The following GPC6 variants were observed in gnomAD, a reference collection of about 807,000 sequenced individuals.
GPC6 encodes the protein glypican-6.
In GPC6, 14 loss-of-function variants were observed where a neutral mutation model predicts 55.2. The ratio of observed to expected loss-of-function variants is 0.25; its 90% CI spans 0.17 to 0.40. The LOEUF (loss-of-function observed/expected upper bound fraction) is 0.40. Ranked by LOEUF, GPC6 falls within the 10% of genes least tolerant of loss-of-function variation. GPC6 has a pLI of 1.00. For missense variants in GPC6, 641 were observed against 708.5 expected (o/e 0.90, Z 1.08); for synonymous variants, 278 against 259.6 (o/e 1.07, Z -0.68).
At chr13:94,316,676 C>T (rs1876552851) in intron 6 of GPC6, among the ~76,000 whole-genome samples, 1 of 148,022 alleles carries the variant, frequency 6.8e-6, no homozygotes, top group South Asian at 2.1e-4. Flanking sequence ...GAGATCCCGC[C>T]ACTGCACTCC....
chr13:94,226,467 G>A (rs1327183749), intron 4 of GPC6, among the ~76,000 whole-genome samples: 1 of 152,160 alleles, frequency 6.6e-6, no homozygotes, highest in Non-Finnish European at 1.5e-5. Flanking sequence ...TGCTTAAGGT[G>A]ATGGATAAAC....
intron 4 of GPC6, among the ~76,000 whole-genome samples, chr13:94,270,437 C>CT (rs1891955113): frequency 6.6e-6 from 1 of 152,266 alleles, no homozygotes; most frequent in South Asian, 2.1e-4. Context: ...AGGGGAGTAT[C>CT]TAACTATATT....
At chr13:93,658,970 G>A (rs931264680) in intron 2 of GPC6, among the ~76,000 whole-genome samples, 28 of 151,740 alleles carry the variant, frequency 1.8e-4, no homozygotes, top group African/African-American at 6.5e-4. Context: ...TAAATATTTG[G>A]TAAATTTCAT....
At chr13:94,219,076 T>C (rs1165515666) in intron 4 of GPC6, among the ~76,000 whole-genome samples, 2 of 152,200 alleles carry the variant, frequency 1.3e-5, no homozygotes, top group Non-Finnish European at 2.9e-5. Context: ...TTACTGTGTA[T>C]TGGTGTCTTT....
At chr13:94,089,424 T>C (rs749251530) in intron 4 of GPC6, among the ~76,000 whole-genome samples, 1 of 152,178 alleles carries the variant, frequency 6.6e-6, no homozygotes, top group African/African-American at 2.4e-5. Context: ...GGAAATCAGA[T>C]AGAAAGGATT....
At chr13:93,547,736 G>T (rs1444097307) in intron 2 of GPC6, among the ~76,000 whole-genome samples, 1 of 151,242 alleles carries the variant, frequency 6.6e-6, no homozygotes, top group Non-Finnish European at 1.5e-5. Flanking sequence ...AAAAAAAAAA[G>T]AGAATCTAAA....
At chr13:93,916,100 G>A (rs1488203917) in intron 3 of GPC6, among the ~76,000 whole-genome samples, 1 of 152,074 alleles carries the variant, frequency 6.6e-6, no homozygotes, top group Non-Finnish European at 1.5e-5. Flanking sequence ...GACCTGCTCA[G>A]TTTCTTGGTG....
chr13:93,470,809 A>T (rs750027127), intron 1 of GPC6, among the ~76,000 whole-genome samples: 11 of 152,034 alleles, frequency 7.2e-5, no homozygotes, highest in Non-Finnish European at 1.5e-4. Context: ...TTTCAAAATC[A>T]ATTTCTTTTA....
chr13:93,700,508 G>A (rs534535097), intron 2 of GPC6, among the ~76,000 whole-genome samples: 2 of 152,066 alleles, frequency 1.3e-5, no homozygotes, highest in Non-Finnish European at 2.9e-5. Context: ...CTAAAAGGGG[G>A]CCCAAGTGAT....
chr13:93,784,393 C>A (rs1197202462), intron 2 of GPC6, among the ~76,000 whole-genome samples: 2 of 152,100 alleles, frequency 1.3e-5, no homozygotes, highest in Non-Finnish European at 2.9e-5. Flanking sequence ...AGTACTAGGG[C>A]CCCTGAGCAA....
At chr13:93,659,276 A>G (rs1215030789) in intron 2 of GPC6, among the ~76,000 whole-genome samples, 2 of 151,898 alleles carry the variant, frequency 1.3e-5, no homozygotes, top group Non-Finnish European at 2.9e-5. Flanking sequence ...ATGTATGACC[A>G]TGTAAAGATG....
At chr13:94,095,074 C>T (rs753448900) in intron 4 of GPC6, among the ~76,000 whole-genome samples, 13 of 151,914 alleles carry the variant, frequency 8.6e-5, no homozygotes, top group Middle Eastern at 3.2e-3. Flanking sequence ...ATAAAAATTT[C>T]GTTTCTGTAC....
At chr13:93,271,196 C>G (rs973483853) in intron 1 of GPC6, among the ~76,000 whole-genome samples, 2 of 152,098 alleles carry the variant, frequency 1.3e-5, no homozygotes, top group African/African-American at 4.8e-5. Flanking sequence ...CTACAGGAAA[C>G]TTTAGGGCTA....
At position 93,344,106 on chromosome 13, in the gene GPC6, A is replaced by C. The variant is rs371561880; in HGVS notation, c.160+116490A>C. 1.2e-4 allele frequency among the ~76,000 whole-genome samples: 19 copies of C among 152,290 alleles called. No homozygotes were observed. In the East Asian group the frequency reaches 2.5e-3, roughly 20 times the overall value. Reference sequence around the variant, plus strand: ...ACAGTAAAAGAAATCATTTCAGGGAAAAATGTGGAAATAACCCACCTCCTC... The same window carrying C: ...ACAGTAAAAGAAATCATTTCAGGGACAAATGTGGAAATAACCCACCTCCTC... On this transcript the variant is annotated intron_variant, in intron 1 of 8. Coordinates refer to ENST00000377047, the MANE Select transcript of GPC6 (RefSeq NM_005708.5).
chr13:93,607,885 A>G (rs1878309669), intron 2 of GPC6, among the ~76,000 whole-genome samples: 1 of 152,092 alleles, frequency 6.6e-6, no homozygotes, highest in Admixed American at 6.6e-5. Context: ...TTCTGGGGAT[A>G]GTGTCACCTC....
chr13:93,363,138 A>ATTTTTTTTTTT (rs1881106917), intron 1 of GPC6, among the ~76,000 whole-genome samples: 1 of 114,284 alleles, frequency 8.8e-6, no homozygotes, highest in African/African-American at 3.4e-5. Flanking sequence ...TGTTTTTTTT[A>ATTTTTTTTTTT]AAATTATTAT....
chr13:94,119,783 A>G (rs1223439462), intron 4 of GPC6, among the ~76,000 whole-genome samples: 2 of 152,090 alleles, frequency 1.3e-5, no homozygotes, highest in Non-Finnish European at 2.9e-5. Context: ...ATGTTTAACA[A>G]TCAGCTCTTG....
chr13:93,561,614 G>A (rs1875815922), intron 2 of GPC6, among the ~76,000 whole-genome samples: 2 of 151,918 alleles, frequency 1.3e-5, no homozygotes, highest in South Asian at 4.1e-4. Flanking sequence ...ACAAGCCCAG[G>A]CTAATGGAGG....
At chr13:93,368,664 AG>A in intron 1 of GPC6, among the ~76,000 whole-genome samples, 1 of 152,094 alleles carries the variant, frequency 6.6e-6, no homozygotes, top group East Asian at 1.9e-4. Flanking sequence ...ACCAACAAGC[AG>A]GTTACTGGTA....
Sources: allele counts gnomAD v4.1 joint callset (sites outside exome capture counted in the v4.1 genomes callset), GRCh38; gene constraint gnomAD v4.1.1; transcripts MANE v1.5; gene names NCBI Gene and HGNC (gene_info 2026-07-23, HGNC 2026-07-21).